PTPRM: variants seen among roughly 807,000 people sequenced by gnomAD.
PTPRM encodes the protein protein tyrosine phosphatase receptor type M.
A neutral mutation model predicts 186.7 loss-of-function variants in PTPRM; 47 were observed. That is an observed-to-expected ratio of 0.25 (90% confidence interval 0.20 to 0.32). The LOEUF is 0.32. PTPRM is among the 10% of genes least tolerant of loss of function. The probability of loss-of-function intolerance (pLI) is 1.00; values close to 1 mark genes in which losing one functional copy is unlikely to be tolerated. For synonymous variants in PTPRM, 668 were observed against 674.9 expected (o/e 0.99, Z 0.16); for missense variants, 1,494 against 1,865.0 (o/e 0.80, Z 3.66).
At chr18:7,805,937 A>G (rs2044211564) in intron 2 of PTPRM, among the ~76,000 whole-genome samples, 1 of 152,210 alleles carries the variant, frequency 6.6e-6, no homozygotes, top group African/African-American at 2.4e-5. Context: ...TAAAATCAAG[A>G]AAGGGAATTC....
At chr18:8,015,335 G>C (rs941492129) in intron 7 of PTPRM, among the ~76,000 whole-genome samples, 2 of 152,044 alleles carry the variant, frequency 1.3e-5, no homozygotes, top group Non-Finnish European at 2.9e-5. Context: ...CTCTAGTTAG[G>C]TTTTCTATTT....
intron 14 of PTPRM, among the ~76,000 whole-genome samples, chr18:8,201,562 T>C (rs1400554550): frequency 6.6e-6 from 1 of 152,176 alleles, no homozygotes; most frequent in Non-Finnish European, 1.5e-5. Context: ...GCTTAAACAA[T>C]GCACATGAAT....
chr18:7,963,622 A>G (rs2053825992), intron 7 of PTPRM, among the ~76,000 whole-genome samples: 1 of 152,246 alleles, frequency 6.6e-6, no homozygotes, highest in Admixed American at 6.5e-5. Flanking sequence ...GGAGGCCAGG[A>G]AAATCAAGGG....
chr18:8,299,762 T>C (rs1025530289), intron 20 of PTPRM, among the ~76,000 whole-genome samples: 1 of 152,176 alleles, frequency 6.6e-6, no homozygotes, highest in Non-Finnish European at 1.5e-5. Flanking sequence ...GCTGTTTTCA[T>C]GCAAAAGCAG....
chr18:7,811,339 C>T (rs1395547819), intron 2 of PTPRM, among the ~76,000 whole-genome samples: 2 of 152,128 alleles, frequency 1.3e-5, no homozygotes, highest in African/African-American at 4.8e-5. Flanking sequence ...AGGCTTTGCA[C>T]AGGATGCTTG....
chr18:7,662,540 T>C (rs1197428637), intron 1 of PTPRM, among the ~76,000 whole-genome samples: 1 of 151,150 alleles, frequency 6.6e-6, no homozygotes, highest in Non-Finnish European at 1.5e-5. Context: ...AAATAGAGAG[T>C]AGGACGATGG....
chr18:8,123,715 C>G (rs1356035048), intron 13 of PTPRM, among the ~76,000 whole-genome samples: 3 of 152,174 alleles, frequency 2.0e-5, no homozygotes, highest in Admixed American at 2.0e-4. Flanking sequence ...GTCCTCCCCT[C>G]TAAAACCTTG....
At chr18:8,086,444 T>C (rs2090440058) in intron 10 of PTPRM, among the ~76,000 whole-genome samples, 1 of 152,172 alleles carries the variant, frequency 6.6e-6, no homozygotes, top group Non-Finnish European at 1.5e-5. Context: ...GTGCAGAAAA[T>C]GTCTTTGTAC....
intron 14 of PTPRM, among the ~76,000 whole-genome samples, chr18:8,197,774 A>C (rs1196686987): frequency 6.6e-6 from 1 of 152,222 alleles, no homozygotes; most frequent in Non-Finnish European, 1.5e-5. Flanking sequence ...ATGTTCACAC[A>C]TAGTGAAAGA....
chr18:8,112,618 A>G (rs1455102431), intron 11 of PTPRM, among the ~76,000 whole-genome samples: 1 of 152,164 alleles, frequency 6.6e-6, no homozygotes, highest in Non-Finnish European at 1.5e-5. Flanking sequence ...TTCCAACAAA[A>G]CTGCAAACAA....
At chr18:7,905,353 G>GC (rs1567993942) in intron 3 of PTPRM, among the ~76,000 whole-genome samples, 2 of 152,064 alleles carry the variant, frequency 1.3e-5, no homozygotes, top group Non-Finnish European at 2.9e-5. Context: ...AAAAAACTCC[G>GC]CCATTCTTAG....
intron 13 of PTPRM, among the ~76,000 whole-genome samples, chr18:8,117,655 T>G (rs1454765198): frequency 2.0e-5 from 3 of 152,266 alleles, no homozygotes; most frequent in Non-Finnish European, 4.4e-5. Flanking sequence ...ATTGCCTATA[T>G]TTTTATGCAT....
intron 7 of PTPRM, among the ~76,000 whole-genome samples, chr18:8,066,050 A>G (rs2089048805): frequency 6.6e-6 from 1 of 152,202 alleles, no homozygotes; most frequent in South Asian, 2.1e-4. Context: ...CTGTAGAAAC[A>G]TTGAAAACAA....
At chr18:8,170,715 A>C (rs1225316186) in intron 14 of PTPRM, among the ~76,000 whole-genome samples, 21 of 152,340 alleles carry the variant, frequency 1.4e-4, no homozygotes, top group Non-Finnish European at 2.9e-5. Flanking sequence ...GAGCCAGTCC[A>C]GGCACTTTAA....
At chr18:8,367,806 C>G (rs11872256) in intron 23 of PTPRM, among the ~76,000 whole-genome samples, 5,240 of 152,306 alleles carry the variant, frequency 0.034, 161 homozygotes, top group African/African-American at 0.082. Context: ...CACTGAAGCA[C>G]TCCACTGTCA....
chr18:7,810,056 G>C (rs1055897795), intron 2 of PTPRM, among the ~76,000 whole-genome samples: 1 of 152,200 alleles, frequency 6.6e-6, no homozygotes. Context: ...GTGGAACCTG[G>C]AGGTGGGGTT....
intron 1 of PTPRM, among the ~76,000 whole-genome samples, chr18:7,753,696 C>T (rs545818188): frequency 4.6e-5 from 7 of 152,254 alleles, no homozygotes; most frequent in Non-Finnish European, 1.0e-4. Context: ...ACTTTCTTTG[C>T]CATAACACCT....
chr18:8,313,662 T>A (rs1263892322), intron 20 of PTPRM, among the ~76,000 whole-genome samples: 1 of 151,914 alleles, frequency 6.6e-6, no homozygotes, highest in Non-Finnish European at 1.5e-5. Context: ...TCTTTAGTGG[T>A]GATTTCTGAG....
chr18:8,172,784 T>G (rs933048232), intron 14 of PTPRM, among the ~76,000 whole-genome samples: 2 of 152,106 alleles, frequency 1.3e-5, no homozygotes, highest in Admixed American at 6.6e-5. Context: ...AAATCTGTGG[T>G]CCTGATTCTG....
Sources: gnomAD v4.1 joint callset for allele counts (sites outside exome capture counted in the v4.1 genomes callset) on GRCh38, gnomAD v4.1.1 for gene constraint, MANE v1.5 for transcripts, NCBI Gene and HGNC (gene_info 2026-07-23, HGNC 2026-07-21) for gene names.